PAXIP1: variants seen among roughly 807,000 people sequenced by gnomAD.
PAXIP1 encodes PAX-interacting protein 1.
In PAXIP1, 19 loss-of-function variants were observed where a neutral mutation model predicts 140.6. The ratio of observed to expected loss-of-function variants is 0.14; its 90% CI spans 0.09 to 0.20. The LOEUF (loss-of-function observed/expected upper bound fraction) is 0.20, where lower values mean the gene tolerates loss of function less well. PAXIP1 is among the 10% of genes least tolerant of loss of function. The probability of loss-of-function intolerance (pLI) is 1.00; values close to 1 mark genes in which losing one functional copy is unlikely to be tolerated. For synonymous variants in PAXIP1, 442 were observed against 444.6 expected, an observed-to-expected ratio of 0.99 and a Z score of 0.07; for missense variants, 920 against 1,208.6, an observed-to-expected ratio of 0.76 and a Z score of 3.54.
intron 2 of PAXIP1, 36 bp downstream of exon 2, chr7:154,998,614 G>A: frequency 6.3e-7 from 1 of 1,579,938 alleles, no homozygotes; most frequent in African/African-American, 1.3e-5. Context: ...AAGATACTGA[G>A]GAAAAGATAT....
intron 4 of PAXIP1, among the ~76,000 whole-genome samples, chr7:154,987,065 T>A (rs927891740): frequency 6.6e-6 from 1 of 152,222 alleles, no homozygotes; most frequent in Non-Finnish European, 1.5e-5. Context: ...AGAATCAAGA[T>A]ATTCACCTTC....
Position 154,954,778 on chromosome 7 carries a change from T to TGTTA in PAXIP1, c.2653-359_2653-356dup. Among the ~76,000 whole-genome samples, 1 of 152,204 alleles carries TGTTA rather than the reference T, an allele frequency of 6.6e-6. No individual in the cohort carries two copies. On this transcript the variant is annotated intron_variant, in intron 15 of 20. Coordinates refer to ENST00000404141, the MANE Select transcript of PAXIP1 (RefSeq NM_007349.4). The surrounding 1 kb of genome is among the most constrained non-coding windows in gnomAD (Gnocchi z 5.1). ...CCAAGACTTCCTAGGCCAAAACTGG[T>TGTTA]GTTAATGAAGAACATTTACCTGCTA...
rs965459862 is a variant in PAXIP1 at position 154,973,054 on chromosome 7, T to C, written c.1074+2642A>G. On this transcript the variant is annotated intron_variant, in intron 6 of 20. Coordinates refer to ENST00000404141, the MANE Select transcript of PAXIP1 (RefSeq NM_007349.4). This position sits in a 1 kb window ranked among gnomAD's most constrained non-coding sequence, Gnocchi z 4.0. Reference sequence around the variant, plus strand: ...GGGACCAGGGCCGGCACCCTCAGCATTGGGCGGTGCTGGAGCTGGCTCCTT... The same window carrying C: ...GGGACCAGGGCCGGCACCCTCAGCACTGGGCGGTGCTGGAGCTGGCTCCTT... 1.4e-4 allele frequency among the ~76,000 whole-genome samples: 21 copies of C among 152,314 alleles called. No homozygotes were observed. The highest frequency in any genetic ancestry group is 4.1e-4 in the African/African-American group (17 of 41,580).
chr7:154,998,265 T>A (rs192281809), intron 2 of PAXIP1, among the ~76,000 whole-genome samples: 25 of 152,282 alleles, frequency 1.6e-4, no homozygotes, highest in African/African-American at 6.0e-4. Flanking sequence ...CCCAGCACTT[T>A]GGGAGGCTGA....
At chr7:154,999,319 A>G (rs1344619409) in intron 1 of PAXIP1, among the ~76,000 whole-genome samples, 1 of 152,228 alleles carries the variant, frequency 6.6e-6, no homozygotes, top group African/African-American at 2.4e-5. Context: ...TTTCTTACAC[A>G]CTATGCAAAA....
At chr7:154,975,592 T>C (rs542902735) in intron 6 of PAXIP1, 104 bp downstream of exon 6, 1 of 711,158 alleles carries the variant, frequency 1.4e-6, no homozygotes, top group Non-Finnish European at 2.3e-6. Context: ...TGCTTGTAAG[T>C]TATTTGGTCT....
rs780949006 is a variant in PAXIP1 at position 154,955,647 on chromosome 7, A to T, written c.2550-16T>A. The T allele has an allele frequency of 7.3e-7, 1 of 1,375,992 alleles. No homozygotes were observed. The highest frequency in any genetic ancestry group is 1.5e-5 in the African/African-American group (1 of 67,708). The allele number at this position is 1,375,992 out of a possible 1,614,324, so 85.2% of individuals were successfully genotyped here. A position where few individuals can be genotyped will look rare whatever the true frequency, so the allele number is the denominator to read the frequency against. Reference sequence around the variant, plus strand: ...GTCTTCAATTCTGTGGAAGAAATACACATAAAATAGTAGTGATTTCATATT... The same window carrying T: ...GTCTTCAATTCTGTGGAAGAAATACTCATAAAATAGTAGTGATTTCATATT... On this transcript the variant is annotated splice_polypyrimidine_tract_variant and intron_variant, in intron 14 of 20. Transcript: ENST00000404141.
rs1241777900 is a variant in PAXIP1, at chr7:154,968,607, T to C, written c.1594A>G (p.Ile532Val). ...SLLQQQQQQQ[I>V]QQQQLQRMHQ... is the part of the protein sequence containing the mutation. ...ATGCGCTGGAGCTGCTGCTGCTGAA[T>C]CTGCTGTTGCTGCTGCTGCTGGAGC... The change falls in exon 7 of 21, where the codon ATT becomes GTT. Residue 532 changes from isoleucine to valine, a missense_variant. By Grantham distance (29) the Ile-to-Val change is conservative. Around this residue, in one of 5 missense-constraint regions of PAXIP1, gnomAD observed 133 missense variants for 88.4 expected, o/e 1.50. Transcript: ENST00000404141. The C allele has an allele frequency of 1.7e-5, 12 of 715,132 alleles. No individual in the cohort carries two copies. The highest frequency in any genetic ancestry group is 2.9e-5 in the Non-Finnish European group (11 of 385,274). 44.3% of individuals were successfully genotyped at this position (715,132 alleles called of 1,614,324 possible).
chr7:154,998,459 G>C (rs1311771980), intron 2 of PAXIP1, among the ~76,000 whole-genome samples, 191 bp downstream of exon 2: 1 of 152,136 alleles, frequency 6.6e-6, no homozygotes, highest in Non-Finnish European at 1.5e-5. Context: ...AGTGAGCTGA[G>C]ATCGTGCCAT....
intron 2 of PAXIP1, among the ~76,000 whole-genome samples, 182 bp from the exon 3 acceptor site, chr7:154,993,951 G>A (rs1217335758): frequency 6.6e-6 from 1 of 152,132 alleles, no homozygotes; most frequent in Non-Finnish European, 1.5e-5. Context: ...TACCCAAGAT[G>A]AAAAATCCAA....
chr7:154,984,413 C>T lies in PAXIP1; in HGVS notation c.325-1081G>A, dbSNP rs540748082. ...TGTTGAAGAATCCTGAACTTTGTCT[C>T]GTTAATTTTTTAAAAGTATTGATAA... On this transcript the variant is annotated intron_variant, in intron 4 of 20. Transcript: ENST00000404141. Among the ~76,000 whole-genome samples, 8 of 152,198 alleles carry T rather than the reference C, an allele frequency of 5.3e-5. No homozygotes were observed. The East Asian group carries it at 1.2e-3, about 22-fold the overall frequency.
At position 154,956,222 on chromosome 7, in the gene PAXIP1, A is replaced by G. The variant is rs1808505644; in HGVS notation, c.2550-591T>C. 6.6e-6 allele frequency among the ~76,000 whole-genome samples: 1 copy of G among 152,148 alleles called. No individual in the cohort carries two copies. Among genetic ancestry groups the G allele is most frequent in the South Asian group, 2.1e-4 (1 of 4,822 alleles). Reference sequence around the variant, plus strand: ...CATGAATTTTTTAGGTCTTTTTTTCAGGTTATTATTTTCTGAGACAGTCCA... The same window carrying G: ...CATGAATTTTTTAGGTCTTTTTTTCGGGTTATTATTTTCTGAGACAGTCCA... On this transcript the variant is annotated intron_variant, in intron 14 of 20. Coordinates refer to ENST00000404141, the MANE Select transcript of PAXIP1 (RefSeq NM_007349.4). This position sits in a 1 kb window ranked among gnomAD's most constrained non-coding sequence, Gnocchi z 4.2.
chr7:154,967,725 T>G (rs189717418), intron 8 of PAXIP1, 91 bp downstream of exon 8: 244 of 830,456 alleles, frequency 2.9e-4, no homozygotes, highest in Non-Finnish European at 2.0e-4. Flanking sequence ...CAGGTGCAGC[T>G]CAGTGAATGC....
chr7:154,983,829 T>C (rs1335523051), intron 4 of PAXIP1: 2 of 153,776 alleles, frequency 1.3e-5, no homozygotes, highest in Non-Finnish European at 2.9e-5. Context: ...GGCTTGTAAG[T>C]TCAGGGGAAA....
intron 4 of PAXIP1, among the ~76,000 whole-genome samples, chr7:154,989,702 T>C (rs1810235722): frequency 6.6e-6 from 1 of 152,254 alleles, no homozygotes; most frequent in African/African-American, 2.4e-5. Flanking sequence ...AAATATTAAA[T>C]ATTCAGATAC....
chr7:155,002,812 A>C, intron 1 of PAXIP1, 37 bp downstream of exon 1: 3 of 1,223,692 alleles, frequency 2.5e-6, no homozygotes, highest in Non-Finnish European at 3.3e-6. Flanking sequence ...GGGGACGCGG[A>C]CGGGGGAGGA....
At chr7:154,982,353 T>A (rs778907893) in intron 5 of PAXIP1, among the ~76,000 whole-genome samples, 34 of 152,070 alleles carry the variant, frequency 2.2e-4, no homozygotes, top group Non-Finnish European at 3.4e-4. Flanking sequence ...ACAGACTGCA[T>A]TTCTTTTTGT....
At chr7:154,960,358 A>T (rs1289793596) in intron 12 of PAXIP1, among the ~76,000 whole-genome samples, 1 of 152,232 alleles carries the variant, frequency 6.6e-6, no homozygotes, top group Non-Finnish European at 1.5e-5. Flanking sequence ...ACAGCAAGTC[A>T]GTCAAAGCTC....
At chr7:154,948,197 A>G (rs2316540) in intron 16 of PAXIP1, 194 bp from the exon 17 acceptor site, 325,251 of 552,938 alleles carry the variant, frequency 0.59, 96,488 homozygotes, top group Admixed American at 0.68. Flanking sequence ...AAAAAGACAG[A>G]CAGGTATTTT....
Sources: gnomAD v4.1 joint callset for allele counts (sites outside exome capture counted in the v4.1 genomes callset) on GRCh38, gnomAD v4.1.1 for gene constraint, gnomAD v4.1.1 regional missense constraint, Gnocchi (gnomAD v3.1) non-coding constraint, MANE v1.5 for transcripts, NCBI Gene and HGNC (gene_info 2026-07-23, HGNC 2026-07-21) for gene names.